Variants in PTK2B observed in about 807,000 individuals in gnomAD.
PTK2B encodes the protein protein-tyrosine kinase 2-beta.
Under a neutral mutation model 142.9 loss-of-function variants are expected in PTK2B, and 71 were observed. That is an observed-to-expected ratio of 0.50 (90% CI 0.41 to 0.61). PTK2B has a LOEUF of 0.61. Ranked by LOEUF, PTK2B falls within the 20% of genes least tolerant of loss-of-function variation. The pLI is 0.00. For synonymous variants in PTK2B, 519 were observed against 503.4 expected (o/e 1.03, Z -0.42); for missense variants, 1,105 against 1,320.4 (o/e 0.84, Z 2.53).
rs1371271101 is a variant in PTK2B, at chr8:27,397,625, G to T, written c.41G>T (p.Gly14Val). The change falls in exon 2 of 31, where the codon GGC (glycine) becomes GTC (valine). Residue 14 changes from glycine to valine, a missense_variant. Transcript: ENST00000346049. ...VSEPLSRVKLGTLRRPEGPAE... is the reference protein window; with the variant it reads ...VSEPLSRVKLVTLRRPEGPAE... ...GAGCCCCTGAGTCGAGTAAAGTTGG[G>T]CACGTTACGCCGGCCTGAAGGCCCT... 1.2e-6 allele frequency: 2 copies of T among 1,614,200 alleles called. No individual in the cohort carries two copies. The highest frequency in any genetic ancestry group is 8.5e-7 in the Non-Finnish European group (1 of 1,180,040).
chr8:27,457,952 G>A (rs1295078860), intron 30 of PTK2B, among the ~76,000 whole-genome samples: 1 of 143,586 alleles, frequency 7.0e-6, no homozygotes. Flanking sequence ...TCCATCCTGG[G>A]CAACAGGAAC....
At chr8:27,405,635 C>G (rs879847661) in intron 2 of PTK2B, among the ~76,000 whole-genome samples, 1 of 152,230 alleles carries the variant, frequency 6.6e-6, no homozygotes, top group Non-Finnish European at 1.5e-5. Context: ...AGCCCGCCCC[C>G]ACACAGACAC....
chr8:27,322,439 A>C (rs1285089749), upstream of PTK2B: 1 of 152,192 alleles, frequency 6.6e-6, no homozygotes, highest in African/African-American at 2.4e-5. Context: ...TTGTGAAGAC[A>C]AGCTAGACGG....
In PTK2B at chr8:27,430,095, G is replaced by A. The variant is rs1810314457; in HGVS notation, c.554G>A (p.Arg185Gln). The A allele has an allele frequency of 6.2e-7, 1 of 1,613,608 alleles. No individual in the cohort carries two copies. Among genetic ancestry groups the A allele is most frequent in the East Asian group, 2.2e-5 (1 of 44,886 alleles). The stretch of plus-strand genomic sequence containing the variant: ...CTCTCCACCACCTATTTCTCCAGGC[G>A]GTTCTTCAAGGATATGCCCCACAAT... ...ALQLGCLELRRFFKDMPHNAL... is the reference protein window; with the variant it reads ...ALQLGCLELRQFFKDMPHNAL... Residue 185 changes from arginine (R) to glutamine (Q), a missense_variant and splice_region_variant, in exon 6 of 31, where the codon CGG becomes CAG. Coordinates refer to ENST00000346049, the MANE Select transcript of PTK2B (RefSeq NM_173176.3).
chr8:27,319,340 C>T (rs1370206281), intron 3 of PTK2B, among the ~76,000 whole-genome samples: 1 of 149,558 alleles, frequency 6.7e-6, no homozygotes, highest in African/African-American at 2.5e-5. Flanking sequence ...TTCAGGAACC[C>T]GTTTTAAAAA....
At chr8:27,311,213 G>A (rs772787780), upstream of PTK2B, 4 of 1,570,948 alleles carry the variant, frequency 2.5e-6, no homozygotes, top group South Asian at 1.2e-5. Flanking sequence ...AGGCCCGGGG[G>A]ACACGTCGGG....
At position 27,439,531 on chromosome 8, in the gene PTK2B, C is replaced by A. The variant is rs572784471; in HGVS notation, c.1834+133C>A. 1.2e-3 allele frequency: 1,170 copies of A among 1,013,662 alleles called. 3 individuals are homozygous for A. Among genetic ancestry groups the A allele is most frequent in the Non-Finnish European group, 1.5e-3 (1,010 of 678,226 alleles). The allele number at this position is 1,013,662 out of a possible 1,614,324, so 62.8% of individuals were successfully genotyped here. A position where few individuals can be genotyped will look rare whatever the true frequency, so the allele number is the denominator to read the frequency against. ...CCAGGGTTCTATTTTGCTGTGGCCA[C>A]TGAGAAGTCTCAGAGGTGGGGAGGC... On this transcript the variant is annotated intron_variant, in intron 20 of 30. Transcript: ENST00000346049.
Position 27,451,026 on chromosome 8 carries a change from T to C in PTK2B, c.2488-17T>C, listed in dbSNP as rs751541719. On this transcript the variant is annotated splice_polypyrimidine_tract_variant and intron_variant, in intron 25 of 30. Transcript: ENST00000346049. ...TCCAGAATTCTTAGTCCTTCGCTCT[T>C]GTTTCTTCCTCTGCAGGACCCCATG... The C allele has an allele frequency of 2.2e-5, 35 of 1,612,162 alleles. No homozygotes were observed. Among genetic ancestry groups the C allele is most frequent in the Non-Finnish European group, 2.8e-5 (33 of 1,178,354 alleles).
At chr8:27,422,461 A>T in intron 5 of PTK2B, 78 bp downstream of exon 5, 4 of 1,302,052 alleles carry the variant, frequency 3.1e-6, no homozygotes, top group Non-Finnish European at 4.2e-6. Flanking sequence ...CATGTCCAAG[A>T]TGGGAAGCAG....
intron 5 of PTK2B, among the ~76,000 whole-genome samples, chr8:27,425,892 A>G (rs1280297739): frequency 1.3e-5 from 2 of 152,188 alleles, no homozygotes; most frequent in Non-Finnish European, 2.9e-5. Context: ...TTATTCATTT[A>G]TTGGAGGTGC....
chr8:27,442,603 C>T (rs972125551), intron 21 of PTK2B, among the ~76,000 whole-genome samples: 1 of 152,196 alleles, frequency 6.6e-6, no homozygotes, highest in African/African-American at 2.4e-5. Flanking sequence ...GCTCCTGCTG[C>T]ATGTTTGGGC....
intron 4 of PTK2B, among the ~76,000 whole-genome samples, 185 bp from the exon 5 acceptor site, chr8:27,422,119 C>T (rs902970736): frequency 1.9e-4 from 29 of 152,194 alleles, no homozygotes; most frequent in African/African-American, 5.3e-4. Context: ...CTCACAGGCT[C>T]GGCCTGTGGA....
intron 1 of PTK2B, among the ~76,000 whole-genome samples, chr8:27,336,653 C>G (rs1026417670): frequency 2.0e-5 from 3 of 152,194 alleles, no homozygotes; most frequent in African/African-American, 7.2e-5. Flanking sequence ...TTAAATACTG[C>G]TTTCCCCCAA....
At chr8:27,369,609 G>A (rs112937520) in intron 1 of PTK2B, among the ~76,000 whole-genome samples, 1,984 of 152,258 alleles carry the variant, frequency 0.013, 31 homozygotes, top group African/African-American at 0.045. Flanking sequence ...GGCAGAGGCT[G>A]CAGTGAGCCG....
intron 1 of PTK2B, among the ~76,000 whole-genome samples, chr8:27,381,607 A>G (rs1187868854): frequency 6.6e-6 from 1 of 152,188 alleles, no homozygotes; most frequent in Non-Finnish European, 1.5e-5. Flanking sequence ...GCTGCAATCA[A>G]TGTGGACGTG....
chr8:27,341,055 A>G (rs1334539580), intron 1 of PTK2B, among the ~76,000 whole-genome samples: 7 of 152,050 alleles, frequency 4.6e-5, no homozygotes, highest in Non-Finnish European at 1.0e-4. Flanking sequence ...TGCCCCAACA[A>G]TTGGGCTCAG....
intron 1 of PTK2B, among the ~76,000 whole-genome samples, chr8:27,339,696 G>A (rs966400412): frequency 1.3e-5 from 2 of 152,204 alleles, no homozygotes; most frequent in Non-Finnish European, 2.9e-5. Flanking sequence ...TGGCGTAGTT[G>A]ACTCTGGATT....
chr8:27,323,663 T>G (rs139132388), upstream of PTK2B, among the ~76,000 whole-genome samples: 9 of 152,224 alleles, frequency 5.9e-5, no homozygotes, highest in Non-Finnish European at 1.2e-4. Context: ...CAGGCAGAAA[T>G]GCATGACCTT....
At chr8:27,436,608 G>A (rs1810793946) in intron 15 of PTK2B, among the ~76,000 whole-genome samples, 1 of 152,172 alleles carries the variant, frequency 6.6e-6, no homozygotes, top group Non-Finnish European at 1.5e-5. Context: ...AGTATTCTTG[G>A]TGGGAGAATA....
Sources: allele counts gnomAD v4.1 joint callset (sites outside exome capture counted in the v4.1 genomes callset), GRCh38; gene constraint gnomAD v4.1.1; transcripts MANE v1.5; gene names NCBI Gene and HGNC (gene_info 2026-07-23, HGNC 2026-07-21).